TCF7L2: variants seen among roughly 807,000 people sequenced by gnomAD.
TCF7L2 encodes transcription factor 7-like 2.
In TCF7L2, 23 loss-of-function variants were observed where a neutral mutation model predicts 77.9. The ratio of observed to expected loss-of-function variants is 0.30; its 90% CI spans 0.21 to 0.42. The LOEUF (loss-of-function observed/expected upper bound fraction) is 0.42, where lower values mean the gene tolerates loss of function less well. TCF7L2 is among the 10% of genes least tolerant of loss of function. The probability of loss-of-function intolerance (pLI) is 1.00; values close to 1 mark genes in which losing one functional copy is unlikely to be tolerated. For missense variants in TCF7L2, 654 were observed against 793.1 expected, an observed-to-expected ratio of 0.82 and a Z score of 2.11; for synonymous variants, 413 against 340.2, an observed-to-expected ratio of 1.21 and a Z score of -2.36.
At chr10:112,992,916 A>G (rs186413153) in intron 4 of TCF7L2, among the ~76,000 whole-genome samples, 19 of 151,950 alleles carry the variant, frequency 1.3e-4, no homozygotes, top group African/African-American at 4.3e-4. Context: ...GGTGCCTGAC[A>G]CCGCGCCTGG....
intron 4 of TCF7L2, among the ~76,000 whole-genome samples, chr10:113,038,377 T>A (rs2051750092): frequency 6.6e-6 from 1 of 152,104 alleles, no homozygotes. Context: ...AGCTCTGAAT[T>A]TGTAGCAGAC....
intron 5 of TCF7L2, among the ~76,000 whole-genome samples, chr10:113,057,922 C>T (rs980623641): frequency 7.2e-5 from 11 of 152,146 alleles, no homozygotes; most frequent in African/African-American, 2.4e-4. Context: ...AGAGAGGGAC[C>T]AGGCTGGGGG....
intron 5 of TCF7L2, among the ~76,000 whole-genome samples, chr10:113,094,276 T>A (rs1216857900): frequency 6.6e-6 from 1 of 152,230 alleles, no homozygotes; most frequent in African/African-American, 2.4e-5. Flanking sequence ...TTAGACCACA[T>A]CCTATGTGGC....
chr10:113,065,586 G>A (rs11196214), intron 5 of TCF7L2, among the ~76,000 whole-genome samples: 3 of 152,142 alleles, frequency 2.0e-5, no homozygotes, highest in South Asian at 2.1e-4. Flanking sequence ...GTTAAGAATC[G>A]GGATAACTGG....
intron 5 of TCF7L2, among the ~76,000 whole-genome samples, chr10:113,086,780 T>C (rs1347680244): frequency 6.6e-6 from 1 of 151,730 alleles, no homozygotes; most frequent in Non-Finnish European, 1.5e-5. Context: ...AAAAAAACTA[T>C]AGTTATTTTC....
chr10:113,151,318 C>T lies in TCF7L2; in HGVS notation c.1001+195C>T, dbSNP rs1313349934. 6.6e-6 allele frequency among the ~76,000 whole-genome samples: 1 copy of T among 152,048 alleles called. No homozygotes were observed. Among genetic ancestry groups the T allele is most frequent in the Non-Finnish European group, 1.5e-5 (1 of 68,012 alleles). On this transcript the variant is annotated intron_variant, in intron 9 of 13. Transcript: ENST00000627217. This position sits in a 1 kb window ranked among gnomAD's most constrained non-coding sequence, Gnocchi z 5.2. ...CAGTGGCAGAATCTCACTGTACCAC[C>T]GTGGGTTAGAACAGAACTGTTTTTT...
chr10:113,049,209 T>G (rs1590991230), intron 5 of TCF7L2, among the ~76,000 whole-genome samples: 2 of 151,966 alleles, frequency 1.3e-5, no homozygotes, highest in Admixed American at 1.3e-4. Context: ...CCTGACTCTC[T>G]TCTGAGTGCC....
Position 112,950,572 on chromosome 10 carries a change from T to G in TCF7L2, c.-185T>G. The G allele has an allele frequency of 1.8e-5, 2 of 112,802 alleles. No individual in the cohort carries two copies. Among genetic ancestry groups the G allele is most frequent in the Non-Finnish European group, 1.7e-5 (1 of 59,948 alleles). The allele number at this position is 112,802 out of a possible 1,614,324, so 7.0% of individuals were successfully genotyped here. On this transcript the variant is annotated 5_prime_UTR_variant, in exon 1 of 14. Coordinates refer to ENST00000627217, the MANE Select transcript of TCF7L2 (RefSeq NM_001146274.2). Reference sequence around the variant, plus strand: ...GCAGAAGATCTCCCCCCCCTTCCCCTCCCCTCCTCCCTCTTTTCCCCTCCC... The same window carrying G: ...GCAGAAGATCTCCCCCCCCTTCCCCGCCCCTCCTCCCTCTTTTCCCCTCCC...
At chr10:113,136,255 G>T (rs1327609754) in intron 5 of TCF7L2, among the ~76,000 whole-genome samples, 1 of 152,134 alleles carries the variant, frequency 6.6e-6, no homozygotes, top group Non-Finnish European at 1.5e-5. Flanking sequence ...ATTAAACGGC[G>T]GCCACCCTGA....
chr10:113,104,460 A>C (rs2062022420), intron 5 of TCF7L2, among the ~76,000 whole-genome samples: 1 of 152,176 alleles, frequency 6.6e-6, no homozygotes, highest in Admixed American at 6.5e-5. Context: ...ATTGAGAAGC[A>C]CTGGGGGAAA....
chr10:113,103,203 C>CA (rs2135940185), intron 5 of TCF7L2, among the ~76,000 whole-genome samples: 1 of 152,288 alleles, frequency 6.6e-6, no homozygotes, highest in East Asian at 1.9e-4. Flanking sequence ...CCATCAATGA[C>CA]AACCTTCTGT....
intron 4 of TCF7L2, among the ~76,000 whole-genome samples, chr10:112,966,204 A>ATATATATATATATC (rs2036839630): frequency 7.2e-6 from 1 of 139,710 alleles, no homozygotes; most frequent in Admixed American, 7.0e-5. Flanking sequence ...ATATATATAT[A>ATATATATATATATC]TATATATTTT....
chr10:112,964,672 C>G (rs535602216), intron 4 of TCF7L2, 48 bp downstream of exon 4: 2 of 1,527,290 alleles, frequency 1.3e-6, no homozygotes, highest in African/African-American at 1.4e-5. Flanking sequence ...ATATGTAGGT[C>G]TCTTGTGTGT....
intron 4 of TCF7L2, among the ~76,000 whole-genome samples, chr10:113,000,260 G>T (rs1409623811): frequency 6.6e-6 from 1 of 152,156 alleles, no homozygotes; most frequent in Non-Finnish European, 1.5e-5. Flanking sequence ...ATCTTGGGGA[G>T]CAAGCTGTGA....
intron 4 of TCF7L2, among the ~76,000 whole-genome samples, chr10:113,011,006 C>CA (rs926059795): frequency 1.3e-5 from 2 of 150,592 alleles, no homozygotes; most frequent in African/African-American, 4.9e-5. Context: ...GATCCTGTCT[C>CA]AAAAAAAAGA....
At chr10:113,069,432 G>C (rs2057674570) in intron 5 of TCF7L2, among the ~76,000 whole-genome samples, 1 of 152,074 alleles carries the variant, frequency 6.6e-6, no homozygotes, top group Non-Finnish European at 1.5e-5. Flanking sequence ...GTTTCACCAT[G>C]TTGGCCAGGC....
chr10:113,152,486 T>G, intron 11 of TCF7L2, 46 bp downstream of exon 11: 1 of 1,509,700 alleles, frequency 6.6e-7, no homozygotes. Flanking sequence ...AGAGCTGTGT[T>G]GTGCGTCTAT....
intron 6 of TCF7L2, among the ~76,000 whole-genome samples, chr10:113,143,037 G>C (rs886156433): frequency 2.0e-5 from 3 of 152,206 alleles, no homozygotes; most frequent in Non-Finnish European, 1.5e-5. Context: ...CATGCAGCCC[G>C]TTCCCTCCAT....
intron 5 of TCF7L2, among the ~76,000 whole-genome samples, chr10:113,119,256 T>C (rs191130581): frequency 6.6e-6 from 1 of 152,200 alleles, no homozygotes; most frequent in East Asian, 1.9e-4. Flanking sequence ...ATCTCATTTT[T>C]CCCCCCTTAC....
Sources: allele counts gnomAD v4.1 joint callset (sites outside exome capture counted in the v4.1 genomes callset), GRCh38; gene constraint gnomAD v4.1.1; non-coding constraint Gnocchi (gnomAD v3.1); transcripts MANE v1.5; gene names NCBI Gene and HGNC (gene_info 2026-07-23, HGNC 2026-07-21).